PCSK5: variants seen among roughly 807,000 people sequenced by gnomAD.
PCSK5 encodes the protein prohormone convertase 5.
Under a neutral mutation model 233.2 loss-of-function variants are expected in PCSK5, and 129 were observed. The observed-to-expected ratio is 0.55, with a 90% CI of 0.48 to 0.64. The LOEUF is 0.64. Ranked by LOEUF, PCSK5 falls within the 30% of genes least tolerant of loss-of-function variation. The pLI is 0.00. For missense variants in PCSK5, 2,076 were observed against 2,430.1 expected (o/e 0.85, Z 3.06); for synonymous variants, 825 against 879.2 (o/e 0.94, Z 1.09).
At chr9:76,035,417 T>A (rs1244159063) in intron 5 of PCSK5, among the ~76,000 whole-genome samples, 1 of 152,206 alleles carries the variant, frequency 6.6e-6, no homozygotes, top group Non-Finnish European at 1.5e-5. Flanking sequence ...GTAATCATGA[T>A]GATGCAGCCT....
chr9:76,129,384 C>G (rs1199052626), intron 9 of PCSK5, among the ~76,000 whole-genome samples: 3 of 152,128 alleles, frequency 2.0e-5, no homozygotes, highest in Admixed American at 1.3e-4. Context: ...TGGGCCTCAT[C>G]ATTTCATTAG....
chr9:76,072,865 C>G lies in PCSK5; in HGVS notation c.894+967C>G, dbSNP rs546863567. On this transcript the variant is annotated intron_variant, in intron 7 of 37. Coordinates refer to ENST00000674117, the MANE Select transcript of PCSK5 (RefSeq NM_001372043.1). ...CGTCTTCCCAGAAGCCTTCTCACTGCCCAAACTGGAATTAACTATAAACAG... is the reference window on the plus strand; with the variant it reads ...CGTCTTCCCAGAAGCCTTCTCACTGGCCAAACTGGAATTAACTATAAACAG... Among the ~76,000 whole-genome samples, 24 of 152,286 alleles carry G rather than the reference C, an allele frequency of 1.6e-4. 1 individual carries two copies. Among genetic ancestry groups the G allele is most frequent in the African/African-American group, 5.8e-4 (24 of 41,560 alleles).
At chr9:76,264,184 AT>A (rs978724867) in intron 24 of PCSK5, among the ~76,000 whole-genome samples, 4 of 152,160 alleles carry the variant, frequency 2.6e-5, no homozygotes, top group African/African-American at 4.8e-5. Context: ...CTGCAACAAA[AT>A]TGACAAAAAT....
intron 5 of PCSK5, among the ~76,000 whole-genome samples, chr9:76,063,319 CTTT>C (rs1157596601): frequency 0.025 from 1,502 of 59,856 alleles, 36 homozygotes; most frequent in South Asian, 0.14. Flanking sequence ...TTTCTTTTTT[CTTT>C]TTTTTTTTTT....
intron 2 of PCSK5, among the ~76,000 whole-genome samples, chr9:75,979,601 A>G (rs1245808770): frequency 1.3e-5 from 2 of 152,206 alleles, no homozygotes; most frequent in East Asian, 1.9e-4. Flanking sequence ...GGATTGCAAT[A>G]GGCATCTGTA....
At position 76,169,854 on chromosome 9, in the gene PCSK5, T is replaced by C. The variant is rs1272653409; in HGVS notation, c.1756+14T>C. 6.2e-7 allele frequency: 1 copy of C among 1,609,258 alleles called. No individual in the cohort carries two copies. Among genetic ancestry groups the C allele is most frequent in the East Asian group, 2.2e-5 (1 of 44,818 alleles). On this transcript the variant is annotated intron_variant, in intron 13 of 37. Transcript: ENST00000674117. ...TTAAGACTCCAGGTGAGAACTCCCT[T>C]TCTATACATTGTTCTACTGTGTAGA...
At chr9:76,058,561 G>C (rs2131575237) in intron 5 of PCSK5, among the ~76,000 whole-genome samples, 1 of 152,194 alleles carries the variant, frequency 6.6e-6, no homozygotes, top group East Asian at 1.9e-4. Context: ...TGTGGAAGTG[G>C]CAAATTTAAA....
At chr9:76,271,407 TAAG>T (rs1185507965) in intron 24 of PCSK5, among the ~76,000 whole-genome samples, 1 of 152,202 alleles carries the variant, frequency 6.6e-6, no homozygotes, top group Non-Finnish European at 1.5e-5. Context: ...CTCTTTTCAC[TAAG>T]AAGAAGTAGC....
rs73458321 is a variant in PCSK5 at position 76,153,369 on chromosome 9, G to T, written c.1313-3676G>T. Among the ~76,000 whole-genome samples the T allele has an allele frequency of 7.3e-3, 1,104 of 152,220 alleles. 8 individuals are homozygous for T. Among genetic ancestry groups the T allele is most frequent in the African/African-American group, 0.025 (1,053 of 41,532 alleles). ...GATTAAAACTGAATTGAATGTTTCT[G>T]CCCCCACTCTTAGGAATGAAAAATT... is the stretch of plus-strand genomic sequence containing the variant. On this transcript the variant is annotated intron_variant, in intron 10 of 37. Coordinates refer to ENST00000674117, the MANE Select transcript of PCSK5 (RefSeq NM_001372043.1).
intron 32 of PCSK5, among the ~76,000 whole-genome samples, chr9:76,325,725 C>G (rs574837053): frequency 2.4e-4 from 37 of 151,836 alleles, no homozygotes; most frequent in Non-Finnish European, 4.9e-4. Flanking sequence ...ACAACCTCCG[C>G]CTCCCTGGTT....
intron 24 of PCSK5, among the ~76,000 whole-genome samples, chr9:76,255,153 G>A (rs1826942029): frequency 6.6e-6 from 1 of 152,028 alleles, no homozygotes; most frequent in South Asian, 2.1e-4. Flanking sequence ...TGAGTGTGGT[G>A]GTACAGACCT....
In PCSK5 at chr9:76,241,606, C is replaced by T. The variant is rs560199314; in HGVS notation, c.3142+922C>T. 2.0e-5 allele frequency among the ~76,000 whole-genome samples: 3 copies of T among 152,320 alleles called. No homozygotes were observed. In the South Asian group the frequency reaches 6.2e-4, roughly 32 times the overall value. Reference sequence around the variant, plus strand: ...CTTTAATTCAAGTCAGTGGCTCCTTCTTTCTTCCCTTCTCACATGCCTGCA... The same window carrying T: ...CTTTAATTCAAGTCAGTGGCTCCTTTTTTCTTCCCTTCTCACATGCCTGCA... On this transcript the variant is annotated intron_variant, in intron 24 of 37. Coordinates refer to ENST00000674117, the MANE Select transcript of PCSK5 (RefSeq NM_001372043.1).
At chr9:76,234,078 G>A (rs1826179134) in intron 22 of PCSK5, among the ~76,000 whole-genome samples, 2 of 152,178 alleles carry the variant, frequency 1.3e-5, no homozygotes, top group South Asian at 2.1e-4. Flanking sequence ...AAAGTTTCCT[G>A]CTGTCATTGG....
At chr9:76,272,892 T>C (rs1827568312) in intron 24 of PCSK5, among the ~76,000 whole-genome samples, 1 of 151,988 alleles carries the variant, frequency 6.6e-6, no homozygotes, top group African/African-American at 2.4e-5. Context: ...CTGCCTCTTC[T>C]TGCTTCTCCA....
At chr9:75,983,486 G>A (rs1826367194) in intron 2 of PCSK5, among the ~76,000 whole-genome samples, 2 of 152,180 alleles carry the variant, frequency 1.3e-5, no homozygotes. Context: ...TGTTTACTTG[G>A]ACCAAGGTCC....
chr9:75,900,285 A>C (rs2131196561), intron 1 of PCSK5, among the ~76,000 whole-genome samples: 1 of 152,328 alleles, frequency 6.6e-6, no homozygotes, highest in East Asian at 1.9e-4. Context: ...TAATAACAAG[A>C]GTGATCCCCG....
At chr9:76,262,747 C>A (rs1827218188) in intron 24 of PCSK5, among the ~76,000 whole-genome samples, 1 of 150,696 alleles carries the variant, frequency 6.6e-6, no homozygotes, top group Admixed American at 6.6e-5. Flanking sequence ...ACACCAAAAG[C>A]AATGGCAACA....
intron 10 of PCSK5, among the ~76,000 whole-genome samples, chr9:76,137,826 G>C (rs1221654846): frequency 6.6e-6 from 1 of 152,076 alleles, no homozygotes; most frequent in Non-Finnish European, 1.5e-5. Flanking sequence ...TATTTGCAAT[G>C]CCAGAAGGTG....
intron 5 of PCSK5, among the ~76,000 whole-genome samples, chr9:76,065,153 A>G (rs527830438): frequency 1.3e-5 from 2 of 152,130 alleles, no homozygotes; most frequent in African/African-American, 4.8e-5. Context: ...TATTTTGGAT[A>G]TATACCCAGC....
Sources: allele counts gnomAD v4.1 joint callset (sites outside exome capture counted in the v4.1 genomes callset), GRCh38; gene constraint gnomAD v4.1.1; transcripts MANE v1.5; gene names NCBI Gene and HGNC (gene_info 2026-07-23, HGNC 2026-07-21).